Variants in KIAA1549L observed in about 807,000 individuals in gnomAD.
KIAA1549L encodes UPF0606 protein KIAA1549L.
A neutral mutation model predicts 160.7 loss-of-function variants in KIAA1549L; 88 were observed. The ratio of observed to expected loss-of-function variants is 0.55; its 90% CI spans 0.46 to 0.65. The LOEUF (loss-of-function observed/expected upper bound fraction) is 0.65, where lower values mean the gene tolerates loss of function less well. KIAA1549L is among the 30% of genes least tolerant of loss of function. The pLI is 0.00. For missense variants in KIAA1549L, 2,258 were observed against 2,437.5 expected (o/e 0.93, Z 1.55); for synonymous variants, 950 against 976.7 (o/e 0.97, Z 0.51).
chr11:33,635,391 C>T (rs895282636), intron 16 of KIAA1549L, among the ~76,000 whole-genome samples: 4 of 152,190 alleles, frequency 2.6e-5, no homozygotes, highest in East Asian at 3.9e-4. Context: ...GCCCTTGCCA[C>T]GAAGTTGCAT....
chr11:33,600,968 G>A (rs1338901003), intron 13 of KIAA1549L, among the ~76,000 whole-genome samples: 1 of 152,044 alleles, frequency 6.6e-6, no homozygotes, highest in African/African-American at 2.4e-5. Context: ...ATTCTGGCCT[G>A]CTCTAGATGT....
chr11:33,550,669 A>C (rs1220616628), intron 4 of KIAA1549L, among the ~76,000 whole-genome samples: 1 of 152,210 alleles, frequency 6.6e-6, no homozygotes, highest in Admixed American at 6.5e-5. Flanking sequence ...ATAAATGATG[A>C]GAAATATAAG....
intron 16 of KIAA1549L, among the ~76,000 whole-genome samples, chr11:33,641,631 T>C (rs184487412): frequency 0.1 from 9,207 of 90,976 alleles, 1,264 homozygotes; most frequent in African/African-American, 0.32. Flanking sequence ...TATATATATA[T>C]ATACACAGTG....
At chr11:33,515,629 A>G (rs541186511) in intron 1 of KIAA1549L, among the ~76,000 whole-genome samples, 3 of 152,314 alleles carry the variant, frequency 2.0e-5, no homozygotes, top group African/African-American at 7.2e-5. Context: ...AGGTGTGGAA[A>G]TGGTTACTTT....
chr11:33,505,632 CTGT>C (rs1853065987), intron 1 of KIAA1549L, among the ~76,000 whole-genome samples: 2 of 152,214 alleles, frequency 1.3e-5, no homozygotes, highest in Admixed American at 6.5e-5. Context: ...GTTCATTCCC[CTGT>C]TGTTTCTGGT....
At chr11:33,433,284 G>C (rs1851288466) in intron 1 of KIAA1549L, among the ~76,000 whole-genome samples, 1 of 152,144 alleles carries the variant, frequency 6.6e-6, no homozygotes, top group Non-Finnish European at 1.5e-5. Flanking sequence ...GTGGGCAAAG[G>C]ATATGAACAG....
At chr11:33,622,573 G>C (rs1850988156) in intron 16 of KIAA1549L, among the ~76,000 whole-genome samples, 1 of 152,192 alleles carries the variant, frequency 6.6e-6, no homozygotes, top group African/African-American at 2.4e-5. Flanking sequence ...CATTTCCTCT[G>C]TCCGGAGTGC....
At position 33,669,321 on chromosome 11, in the gene KIAA1549L, A is replaced by C. The variant is rs1423842281; in HGVS notation, c.*1167A>C. 2 of 152,240 alleles carry C rather than the reference A, an allele frequency of 1.3e-5. No individual in the cohort carries two copies. The highest frequency in any genetic ancestry group is 3.8e-4 in the East Asian group (2 of 5,202). 9.4% of individuals were successfully genotyped at this position (152,240 alleles called of 1,614,324 possible). A position where few individuals can be genotyped will look rare whatever the true frequency, so the allele number is the denominator to read the frequency against. On this transcript the variant is annotated 3_prime_UTR_variant, in exon 21 of 21. Coordinates refer to ENST00000658780, the MANE Select transcript of KIAA1549L (RefSeq NM_012194.3). The stretch of plus-strand genomic sequence containing the variant: ...ATGGTAGGGTGGCCACTTTGTGACC[A>C]TGATGTTGCAAGTTGCCCTCCCTGG...
At chr11:33,593,091 G>A (rs1168425232) in intron 12 of KIAA1549L, among the ~76,000 whole-genome samples, 1 of 152,112 alleles carries the variant, frequency 6.6e-6, no homozygotes. Flanking sequence ...GATGTCATTG[G>A]GGGGTTTTGA....
rs1852554664 is a variant in KIAA1549L at position 33,668,268 on chromosome 11, T to TTG, written c.*114_*115insTG. The TTG allele has an allele frequency of 1.2e-5, 12 of 965,114 alleles. No individual in the cohort carries two copies. The highest frequency in any genetic ancestry group is 2.6e-5 in the Admixed American group (1 of 37,736). The allele number at this position is 965,114 out of a possible 1,614,324, so 59.8% of individuals were successfully genotyped here. A position where few individuals can be genotyped will look rare whatever the true frequency, so the allele number is the denominator to read the frequency against. On this transcript the variant is annotated 3_prime_UTR_variant, in exon 21 of 21. Transcript: ENST00000658780. ...AGCAATGGGTGAGTCTTTCTCACCCTCCATTTCTGAAAAGGTGAACTATGG... is the reference window on the plus strand; with the variant it reads ...AGCAATGGGTGAGTCTTTCTCACCCTTGCCATTTCTGAAAAGGTGAACTATGG...
intron 14 of KIAA1549L, among the ~76,000 whole-genome samples, chr11:33,608,662 A>G (rs1850569638): frequency 6.6e-6 from 1 of 152,244 alleles, no homozygotes; most frequent in Non-Finnish European, 1.5e-5. Flanking sequence ...GATAGATTCA[A>G]TTTATCACCC....
At chr11:33,384,890 T>C (rs1328337952) in intron 1 of KIAA1549L, among the ~76,000 whole-genome samples, 3 of 152,058 alleles carry the variant, frequency 2.0e-5, no homozygotes, top group Non-Finnish European at 4.4e-5. Context: ...AACTGTGTTC[T>C]CCCGGTCTGT....
At chr11:33,611,785 T>C (rs542790106) in intron 15 of KIAA1549L, among the ~76,000 whole-genome samples, 17 of 152,168 alleles carry the variant, frequency 1.1e-4, no homozygotes, top group Non-Finnish European at 2.4e-4. Context: ...GGGGCTAAAT[T>C]TTATGAATTG....
Position 33,376,361 on chromosome 11 carries a change from C to T in KIAA1549L, c.-291C>T, listed in dbSNP as rs896204665. 2 of 148,080 alleles carry T rather than the reference C, an allele frequency of 1.4e-5. No individual in the cohort carries two copies. The highest frequency in any genetic ancestry group is 4.9e-5 in the African/African-American group (2 of 40,934). The allele number at this position is 148,080 out of a possible 1,614,324, so 9.2% of individuals were successfully genotyped here. ...AGGGGGCCCCGGGCGGCGCCCGTCCCACCCTCGCCGCCCCAATCGCGCCGG... is the reference window on the plus strand; with the variant it reads ...AGGGGGCCCCGGGCGGCGCCCGTCCTACCCTCGCCGCCCCAATCGCGCCGG... On this transcript the variant is annotated 5_prime_UTR_variant, in exon 1 of 21. Transcript: ENST00000658780. The surrounding 1 kb of genome is among the most constrained non-coding windows in gnomAD (Gnocchi z 5.8).
At chr11:33,602,703 A>C (rs989641826) in intron 13 of KIAA1549L, among the ~76,000 whole-genome samples, 1 of 152,202 alleles carries the variant, frequency 6.6e-6, no homozygotes, top group African/African-American at 2.4e-5. Context: ...GCATTCTCCC[A>C]TGCTTTTTCT....
intron 1 of KIAA1549L, among the ~76,000 whole-genome samples, chr11:33,424,472 T>A (rs1851079431): frequency 6.6e-6 from 1 of 152,162 alleles, no homozygotes; most frequent in South Asian, 2.1e-4. Flanking sequence ...TTAAAAAAAA[T>A]CTTTAGAGGG....
chr11:33,451,544 A>G (rs971342141), intron 1 of KIAA1549L, among the ~76,000 whole-genome samples: 1 of 152,206 alleles, frequency 6.6e-6, no homozygotes, highest in African/African-American at 2.4e-5. Context: ...CATCCTGCGT[A>G]AATGTCATTA....
In KIAA1549L at chr11:33,668,321, C is replaced by A. The variant is rs186582095; in HGVS notation, c.*167C>A. 1.5e-6 allele frequency: 1 copy of A among 669,684 alleles called. No individual in the cohort carries two copies. The highest frequency in any genetic ancestry group is 2.5e-6 in the Non-Finnish European group (1 of 401,022). 41.5% of individuals were successfully genotyped at this position (669,684 alleles called of 1,614,324 possible). A position where few individuals can be genotyped will look rare whatever the true frequency, so the allele number is the denominator to read the frequency against. On this transcript the variant is annotated 3_prime_UTR_variant, in exon 21 of 21. Transcript: ENST00000658780. ...CTTCTGGGAACAGGAAACTCTTGAA[C>A]GACTAGATTCTTGGCTCATCCAACT...
intron 16 of KIAA1549L, among the ~76,000 whole-genome samples, chr11:33,623,472 T>C (rs923986058): frequency 4.6e-5 from 7 of 152,184 alleles, no homozygotes; most frequent in African/African-American, 1.4e-4. Flanking sequence ...TGGCTTGATA[T>C]GTTATCTCGA....
Sources: allele counts gnomAD v4.1 joint callset (sites outside exome capture counted in the v4.1 genomes callset), GRCh38; gene constraint gnomAD v4.1.1; non-coding constraint Gnocchi (gnomAD v3.1); transcripts MANE v1.5; gene names NCBI Gene and HGNC (gene_info 2026-07-23, HGNC 2026-07-21).